The following NXPE2 variants were observed in gnomAD, a reference collection of about 807,000 sequenced individuals.
The protein encoded by NXPE2 is NXPE family member 2.
In NXPE2, 34 loss-of-function variants were observed where a neutral mutation model predicts 34.4. The observed-to-expected ratio is 0.99, with a 90% CI of 0.75 to 1.31. The LOEUF (loss-of-function observed/expected upper bound fraction) is 1.31, where lower values mean the gene tolerates loss of function less well. Among genes scored for constraint, NXPE2 ranks in the 40% most tolerant of loss-of-function variants. NXPE2 has a pLI of 0.00. For synonymous variants in NXPE2, 235 were observed against 231.3 expected (o/e 1.02, Z -0.15); for missense variants, 649 against 672.5 (o/e 0.97, Z 0.39).
chr11:114,729,035 C>T, the NXPE2 span, among the ~76,000 whole-genome samples: 1 of 152,032 alleles, frequency 6.6e-6, no homozygotes, highest in Admixed American at 6.6e-5. Context: ...CCAGATTGAG[C>T]ATGGTACCCA....
the NXPE2 span, among the ~76,000 whole-genome samples, chr11:114,800,568 TAAG>T: frequency 8.5e-5 from 13 of 152,202 alleles, no homozygotes; most frequent in East Asian, 1.9e-4. Context: ...TCGTACCTAG[TAAG>T]AAGTAGAGTG....
At chr11:114,663,561 A>G in the NXPE2 span, among the ~76,000 whole-genome samples, 1 of 151,190 alleles carries the variant, frequency 6.6e-6, no homozygotes, top group Non-Finnish European at 1.5e-5. Flanking sequence ...TCTCCTGTCT[A>G]TCTCTATCTA....
At chr11:114,561,024 C>T in the NXPE2 span, among the ~76,000 whole-genome samples, 541 of 152,268 alleles carry the variant, frequency 3.6e-3, 15 homozygotes, top group Non-Finnish European at 7.2e-4. Context: ...TCATGCCCTT[C>T]CCTCTGGAAC....
the NXPE2 span, among the ~76,000 whole-genome samples, chr11:114,638,191 C>G: frequency 7.2e-5 from 11 of 151,934 alleles, no homozygotes; most frequent in East Asian, 1.9e-3. Context: ...CTAAACTTCC[C>G]TTCTCGCTTC....
chr11:114,472,411 AT>A, the NXPE2 span, among the ~76,000 whole-genome samples: 5 of 152,150 alleles, frequency 3.3e-5, no homozygotes, highest in Non-Finnish European at 5.9e-5. Context: ...TCACAAAAAA[AT>A]CTTATAATGT....
the NXPE2 span, among the ~76,000 whole-genome samples, chr11:114,740,176 A>T: frequency 6.6e-6 from 1 of 152,184 alleles, no homozygotes; most frequent in South Asian, 2.1e-4. Flanking sequence ...AAAGTTAGGT[A>T]TATGTGGTCT....
chr11:114,550,552 T>C, the NXPE2 span, among the ~76,000 whole-genome samples: 1 of 152,194 alleles, frequency 6.6e-6, no homozygotes, highest in South Asian at 2.1e-4. Flanking sequence ...TGATGTCTTA[T>C]ATCTTTCAAC....
chr11:114,676,292 G>A (rs568925775), upstream of NXPE2, among the ~76,000 whole-genome samples: 33 of 151,518 alleles, frequency 2.2e-4, no homozygotes, highest in African/African-American at 8.0e-4. Context: ...GTACTGCAAG[G>A]GAGACAATTA....
At chr11:114,567,253 A>G in the NXPE2 span, among the ~76,000 whole-genome samples, 1 of 152,014 alleles carries the variant, frequency 6.6e-6, no homozygotes, top group Admixed American at 6.6e-5. Context: ...TACTGCTTGC[A>G]TGGGCACTCG....
At chr11:114,514,349 T>G in the NXPE2 span, among the ~76,000 whole-genome samples, 1 of 152,168 alleles carries the variant, frequency 6.6e-6, no homozygotes, top group Admixed American at 6.6e-5. Flanking sequence ...CATGCCCTGT[T>G]CTGAAAAATA....
the NXPE2 span, among the ~76,000 whole-genome samples, chr11:114,665,660 C>G: frequency 6.6e-6 from 1 of 152,124 alleles, no homozygotes; most frequent in Non-Finnish European, 1.5e-5. Context: ...GATAGTTCAG[C>G]AGGTTAAATA....
chr11:114,792,935 A>C, the NXPE2 span, among the ~76,000 whole-genome samples: 1 of 152,180 alleles, frequency 6.6e-6, no homozygotes, highest in Admixed American at 6.5e-5. Context: ...TATTGGTTCT[A>C]AAGCTTCTGC....
intron 2 of NXPE2, among the ~76,000 whole-genome samples, chr11:114,681,269 T>C (rs1378971991): frequency 6.6e-6 from 1 of 152,194 alleles, no homozygotes; most frequent in Non-Finnish European, 1.5e-5. Context: ...GTTAAATGTA[T>C]ATTGTGTGTC....
chr11:114,711,196 C>A (rs149227283), downstream of NXPE2, among the ~76,000 whole-genome samples: 920 of 152,248 alleles, frequency 6.0e-3, 9 homozygotes, highest in Middle Eastern at 0.014. Context: ...AGATGCCCAT[C>A]CTTACCACTA....
chr11:114,706,980 T>C lies in NXPE2; in HGVS notation c.*50T>C. On this transcript the variant is annotated 3_prime_UTR_variant, in exon 6 of 6. Coordinates refer to ENST00000389586, the MANE Select transcript of NXPE2 (RefSeq NM_182495.6). Reference sequence around the variant, plus strand: ...GCCACTTTCTATAGATGATCTCACATATACAGCGAAGATAGTTTAATGCAA... The same window carrying C: ...GCCACTTTCTATAGATGATCTCACACATACAGCGAAGATAGTTTAATGCAA... 7.2e-7 allele frequency: 1 copy of C among 1,394,426 alleles called. No homozygotes were observed. Among genetic ancestry groups the C allele is most frequent in the Non-Finnish European group, 9.6e-7 (1 of 1,040,446 alleles). The allele number at this position is 1,394,426 out of a possible 1,614,324, so 86.4% of individuals were successfully genotyped here. A position where few individuals can be genotyped will look rare whatever the true frequency, so the allele number is the denominator to read the frequency against.
chr11:114,715,301 A>C, the NXPE2 span, among the ~76,000 whole-genome samples: 187 of 152,352 alleles, frequency 1.2e-3, no homozygotes, highest in Admixed American at 1.6e-3. Context: ...TCAGAGATTC[A>C]TGCTTATATT....
At chr11:114,535,964 A>G in the NXPE2 span, among the ~76,000 whole-genome samples, 2 of 152,306 alleles carry the variant, frequency 1.3e-5, no homozygotes, top group South Asian at 2.1e-4. Flanking sequence ...TCCACCCCAA[A>G]TCAACAGAAT....
the NXPE2 span, among the ~76,000 whole-genome samples, chr11:114,638,159 A>G: frequency 5.3e-5 from 8 of 151,334 alleles, no homozygotes; most frequent in African/African-American, 1.9e-4. Flanking sequence ...GGCTTTGTTC[A>G]TTTCTTTTTA....
the NXPE2 span, among the ~76,000 whole-genome samples, chr11:114,715,079 A>G: frequency 1.3e-5 from 2 of 152,226 alleles, no homozygotes; most frequent in Non-Finnish European, 2.9e-5. Context: ...TCACAATTCC[A>G]TGCTGAAATC....
Sources: gnomAD v4.1 joint callset for allele counts (sites outside exome capture counted in the v4.1 genomes callset) on GRCh38, gnomAD v4.1.1 for gene constraint, MANE v1.5 for transcripts, NCBI Gene and HGNC (gene_info 2026-07-23, HGNC 2026-07-21) for gene names.